Variants in PCDH15 observed in about 807,000 individuals in gnomAD.
The protein encoded by PCDH15 is protocadherin related 15, also known as protocadherin-15.
PCDH15 carries 129 observed loss-of-function variants against 178.5 expected under a neutral mutation model. The ratio of observed to expected loss-of-function variants is 0.72; its 90% confidence interval spans 0.63 to 0.84. PCDH15 has a LOEUF of 0.84. Ranked by LOEUF, PCDH15 falls within the 40% of genes least tolerant of loss-of-function variation. The pLI is 0.00. For synonymous variants in PCDH15, 800 were observed against 732.0 expected (o/e 1.09, Z -1.50); for missense variants, 2,230 against 2,099.9 (o/e 1.06, Z -1.21).
chr10:53,812,479 C>T (rs1292862553), intron 35 of PCDH15, among the ~76,000 whole-genome samples: 1 of 152,042 alleles, frequency 6.6e-6, no homozygotes, highest in Non-Finnish European at 1.5e-5. Flanking sequence ...TCCCAAAGTG[C>T]TGGGATTACA....
At chr10:54,946,814 C>A (rs2131869790) in intron 2 of PCDH15, among the ~76,000 whole-genome samples, 1 of 151,940 alleles carries the variant, frequency 6.6e-6, no homozygotes, top group South Asian at 2.1e-4. Context: ...AAGTGATAAT[C>A]AGACATAATA....
chr10:55,399,688 A>G (rs949289245), intron 2 of PCDH15, among the ~76,000 whole-genome samples: 3 of 152,150 alleles, frequency 2.0e-5, no homozygotes, highest in African/African-American at 4.8e-5. Flanking sequence ...AGAAGGTCTG[A>G]TATATGAGAG....
intron 2 of PCDH15, among the ~76,000 whole-genome samples, chr10:55,475,256 T>C (rs1177872958): frequency 1.3e-5 from 2 of 152,104 alleles, no homozygotes; most frequent in Non-Finnish European, 2.9e-5. Context: ...ATGCCCCATC[T>C]TCAACATAGG....
chr10:54,269,882 A>C (rs2057938511), intron 8 of PCDH15, among the ~76,000 whole-genome samples: 1 of 152,084 alleles, frequency 6.6e-6, no homozygotes, highest in African/African-American at 2.4e-5. Context: ...TAAAAATTCA[A>C]AGTGTTTTAT....
Position 54,052,113 on chromosome 10 carries a change from T to C in PCDH15, c.2220+14644A>G, listed in dbSNP as rs1412517653. Among the ~76,000 whole-genome samples, 4 of 152,300 alleles carry C rather than the reference T, an allele frequency of 2.6e-5. No individual in the cohort carries two copies. In the South Asian group the frequency reaches 8.3e-4, roughly 32 times the overall value. On this transcript the variant is annotated intron_variant, in intron 18 of 37. Transcript: ENST00000644397. ...GTTTGCTATAGAAGTGGTGCCCTCA[T>C]GGAGAACCTCTGCTACGGTAGTGCA...
At chr10:53,846,012 G>C (rs1393120974) in intron 28 of PCDH15, among the ~76,000 whole-genome samples, 7 of 123,054 alleles carry the variant, frequency 5.7e-5, no homozygotes, top group Non-Finnish European at 1.2e-4. Flanking sequence ...TATATCAATA[G>C]TGTATGTGTA....
chr10:55,564,831 G>T (rs1842269050), intron 2 of PCDH15, among the ~76,000 whole-genome samples: 1 of 151,520 alleles, frequency 6.6e-6, no homozygotes, highest in Non-Finnish European at 1.5e-5. Context: ...ATATCAACAT[G>T]TACATAACAG....
At chr10:54,648,732 A>G (rs1163862451) in intron 2 of PCDH15, among the ~76,000 whole-genome samples, 1 of 152,172 alleles carries the variant, frequency 6.6e-6, no homozygotes, top group Non-Finnish European at 1.5e-5. Flanking sequence ...AACAGGTATT[A>G]CATAATGCTT....
At chr10:53,981,601 A>G (rs938163795) in intron 21 of PCDH15, among the ~76,000 whole-genome samples, 56 of 151,394 alleles carry the variant, frequency 3.7e-4, no homozygotes, top group Admixed American at 1.3e-3. Flanking sequence ...GGTGCTGGGA[A>G]AACTGGCTAG....
At chr10:53,906,131 T>C (rs2082666129) in intron 25 of PCDH15, among the ~76,000 whole-genome samples, 1 of 152,146 alleles carries the variant, frequency 6.6e-6, no homozygotes, top group South Asian at 2.1e-4. Context: ...GGATAGTTTG[T>C]AATAGTCAAC....
At chr10:55,341,579 T>C (rs951989913) in intron 2 of PCDH15, among the ~76,000 whole-genome samples, 2 of 149,546 alleles carry the variant, frequency 1.3e-5, no homozygotes. Flanking sequence ...GCATCCTTTT[T>C]TTTTTTTTTG....
intron 2 of PCDH15, among the ~76,000 whole-genome samples, chr10:54,637,259 T>C (rs2093878560): frequency 6.6e-6 from 1 of 151,972 alleles, no homozygotes. Flanking sequence ...CTCACTATGC[T>C]GTAAAATCTA....
At chr10:54,643,026 G>A (rs1000110009) in intron 2 of PCDH15, among the ~76,000 whole-genome samples, 2 of 152,112 alleles carry the variant, frequency 1.3e-5, no homozygotes, top group Admixed American at 6.5e-5. Flanking sequence ...GGGCTCAAGC[G>A]ATTCTCCTGC....
chr10:54,218,433 C>T (rs1334672573), intron 9 of PCDH15, among the ~76,000 whole-genome samples: 1 of 152,020 alleles, frequency 6.6e-6, no homozygotes, highest in African/African-American at 2.4e-5. Context: ...GAGATAGACC[C>T]TTTTAAGAAG....
intron 2 of PCDH15, chr10:54,619,133 G>C (rs1281241136): frequency 6.8e-6 from 1 of 147,244 alleles, no homozygotes; most frequent in Non-Finnish European, 1.5e-5. Context: ...TTATTTTATA[G>C]GTTTAATCTA....
At position 54,022,968 on chromosome 10, in the gene PCDH15, G is replaced by A. The variant is rs1399196807; in HGVS notation, c.2450C>T (p.Pro817Leu). The A allele has an allele frequency of 1.2e-5, 19 of 1,613,812 alleles. No homozygotes were observed. The highest frequency in any genetic ancestry group is 2.7e-5 in the African/African-American group (2 of 74,910). Residue 817 changes from proline to leucine, a missense_variant, in exon 19 of 38, where the codon CCT becomes CTT. Physicochemically the swap from Pro to Leu is moderately conservative, Grantham distance 98. Transcript: ENST00000644397. Reference protein sequence around the residue: ...IKVLDIDDNSPVFTNSTYTVL... With the variant: ...IKVLDIDDNSLVFTNSTYTVL... ...AGTGTATGTTGAATTGGTGAACACAGGACTGTTATCATCAATGTCCAAAAC... is the reference window on the plus strand; with the variant it reads ...AGTGTATGTTGAATTGGTGAACACAAGACTGTTATCATCAATGTCCAAAAC...
chr10:54,423,962 T>C (rs1322537700), intron 3 of PCDH15, among the ~76,000 whole-genome samples: 1 of 151,844 alleles, frequency 6.6e-6, no homozygotes, highest in Non-Finnish European at 1.5e-5. Context: ...GGGCAAGGAC[T>C]TCATGTCTAA....
chr10:54,109,196 A>G (rs2094969757), intron 15 of PCDH15, among the ~76,000 whole-genome samples: 1 of 152,188 alleles, frequency 6.6e-6, no homozygotes, highest in African/African-American at 2.4e-5. Flanking sequence ...ACAAAACTAT[A>G]AATAGAAGCA....
chr10:54,307,102 GTGTATATATA>G (rs1478370686), intron 8 of PCDH15, among the ~76,000 whole-genome samples: 21 of 11,728 alleles, frequency 1.8e-3, no homozygotes, highest in African/African-American at 6.1e-3. Flanking sequence ...ATGTGTGTGT[GTGTATATATA>G]TATATATATA....
Sources: gnomAD v4.1 joint callset for allele counts (sites outside exome capture counted in the v4.1 genomes callset) on GRCh38, gnomAD v4.1.1 for gene constraint, MANE v1.5 for transcripts, NCBI Gene and HGNC (gene_info 2026-07-23, HGNC 2026-07-21) for gene names.